SYNDIG1: variants seen among roughly 807,000 people sequenced by gnomAD.
SYNDIG1 encodes synapse differentiation-inducing gene protein 1.
Under a neutral mutation model 19.4 loss-of-function variants are expected in SYNDIG1, and 9 were observed. The observed-to-expected ratio is 0.46, with a 90% CI of 0.28 to 0.81. The LOEUF is 0.81. Ranked by LOEUF, SYNDIG1 falls within the 30% of genes least tolerant of loss-of-function variation. The pLI is 0.12. For missense variants in SYNDIG1, 311 were observed against 343.3 expected (o/e 0.91, Z 0.74); for synonymous variants, 141 against 145.9 (o/e 0.97, Z 0.24).
intron 1 of SYNDIG1, among the ~76,000 whole-genome samples, chr20:24,531,153 C>T (rs2057250936): frequency 6.6e-6 from 1 of 152,012 alleles, no homozygotes; most frequent in South Asian, 2.1e-4. Flanking sequence ...AGGTAGCTGA[C>T]TTCATTCTGT....
At chr20:24,621,490 A>G (rs2059037327) in intron 3 of SYNDIG1, among the ~76,000 whole-genome samples, 1 of 152,194 alleles carries the variant, frequency 6.6e-6, no homozygotes, top group Admixed American at 6.5e-5. Flanking sequence ...ATATTTTTAA[A>G]TAACTCTTTT....
In SYNDIG1 at chr20:24,638,670, T is replaced by C. The variant is rs547021144; in HGVS notation, c.619-26676T>C. 3.9e-5 allele frequency among the ~76,000 whole-genome samples: 6 copies of C among 152,318 alleles called. No individual in the cohort carries two copies. In the East Asian group the frequency reaches 5.8e-4, roughly 15 times the overall value. ...CACCACACTCAGCCTGGAATTTGTA[T>C]GTTTTTAAATGTCATTGGATGAATA... On this transcript the variant is annotated intron_variant, in intron 3 of 3. Transcript: ENST00000376862.
intron 3 of SYNDIG1, among the ~76,000 whole-genome samples, chr20:24,592,640 G>T (rs980449105): frequency 6.6e-6 from 1 of 152,130 alleles, no homozygotes; most frequent in Non-Finnish European, 1.5e-5. Flanking sequence ...TTGAGACAGG[G>T]TATCACTCCA....
chr20:24,479,286 C>A (rs575270770), intron 1 of SYNDIG1, among the ~76,000 whole-genome samples: 4 of 152,182 alleles, frequency 2.6e-5, no homozygotes, highest in African/African-American at 4.8e-5. Context: ...ACCTTCTCCC[C>A]GAGCCCTCAC....
rs73345306 is a variant in SYNDIG1, at chr20:24,585,608, C to T, written c.618+615C>T. 9.4e-3 allele frequency among the ~76,000 whole-genome samples: 1,430 copies of T among 152,300 alleles called. 26 individuals are homozygous for T. Among genetic ancestry groups the T allele is most frequent in the African/African-American group, 0.032 (1,345 of 41,562 alleles). ...ACTACAGAGCATCCTGTTTGTTGCC[C>T]CTTATGCAACCTACATTTTGAAATA... On this transcript the variant is annotated intron_variant, in intron 3 of 3. Transcript: ENST00000376862.
rs182622698 is a variant in SYNDIG1 at position 24,508,858 on chromosome 20, G to A, written c.-78-34162G>A. Among the ~76,000 whole-genome samples, 709 of 151,954 alleles carry A rather than the reference G, an allele frequency of 4.7e-3. 2 individuals carry two copies. The highest frequency in any genetic ancestry group is 7.8e-3 in the Non-Finnish European group (531 of 67,918). ...CTGAAGAAAAGGGGAATAAATAGAGGTGGAAGCGGGAGGCTGAAGATGAAA... is the reference window on the plus strand; with the variant it reads ...CTGAAGAAAAGGGGAATAAATAGAGATGGAAGCGGGAGGCTGAAGATGAAA... On this transcript the variant is annotated intron_variant, in intron 1 of 3. Coordinates refer to ENST00000376862, the MANE Select transcript of SYNDIG1 (RefSeq NM_024893.3).
chr20:24,495,772 T>G (rs914366197), intron 1 of SYNDIG1: 13 of 152,384 alleles, frequency 8.5e-5, no homozygotes, highest in African/African-American at 3.1e-4. Flanking sequence ...GCCAACGCCC[T>G]GGCCAAATGC....
chr20:24,543,636 G>A (rs1225946101), intron 2 of SYNDIG1, 59 bp downstream of exon 2: 4 of 1,555,402 alleles, frequency 2.6e-6, no homozygotes, highest in Non-Finnish European at 3.5e-6. Flanking sequence ...TTCTAGGGAG[G>A]GCAGGAGCCA....
chr20:24,569,394 T>C (rs1418963096), intron 2 of SYNDIG1, among the ~76,000 whole-genome samples: 1 of 152,162 alleles, frequency 6.6e-6, no homozygotes, highest in African/African-American at 2.4e-5. Flanking sequence ...GAATCACATA[T>C]GATTAATTCA....
intron 1 of SYNDIG1, among the ~76,000 whole-genome samples, chr20:24,475,468 G>A (rs78300549): frequency 0.018 from 2,701 of 152,324 alleles, 38 homozygotes; most frequent in South Asian, 0.041. Flanking sequence ...CTTATGGGTC[G>A]AGTGCCCCAT....
At chr20:24,500,479 TTTCTTTCTTTC>T (rs1203864512) in intron 1 of SYNDIG1, among the ~76,000 whole-genome samples, 212 of 6,628 alleles carry the variant, frequency 0.032, 1 homozygote, top group Non-Finnish European at 0.14. Flanking sequence ...GATTCTTTTC[TTTCTTTCTTTC>T]TTTCTTTCTT....
At chr20:24,608,122 A>G (rs1318403671) in intron 3 of SYNDIG1, among the ~76,000 whole-genome samples, 1 of 152,188 alleles carries the variant, frequency 6.6e-6, no homozygotes, top group Non-Finnish European at 1.5e-5. Context: ...TGATCTATCA[A>G]TGCTTTCTAG....
chr20:24,509,481 A>G (rs1310873281), intron 1 of SYNDIG1, among the ~76,000 whole-genome samples: 1 of 152,214 alleles, frequency 6.6e-6, no homozygotes, highest in Non-Finnish European at 1.5e-5. Context: ...CTTTTGTTCC[A>G]GTAGAATTAA....
At chr20:24,624,465 A>G (rs1180230614) in intron 3 of SYNDIG1, among the ~76,000 whole-genome samples, 1 of 152,206 alleles carries the variant, frequency 6.6e-6, no homozygotes, top group African/African-American at 2.4e-5. Context: ...GGCACACTGG[A>G]TATGATGAAG....
intron 3 of SYNDIG1, among the ~76,000 whole-genome samples, chr20:24,588,043 T>C (rs1270571940): frequency 1.3e-5 from 2 of 152,240 alleles, no homozygotes; most frequent in Non-Finnish European, 2.9e-5. Context: ...TCTAGAATTA[T>C]GCACCTCCAG....
At chr20:24,579,428 A>G (rs1343806132) in intron 2 of SYNDIG1, among the ~76,000 whole-genome samples, 1 of 152,140 alleles carries the variant, frequency 6.6e-6, no homozygotes, top group Non-Finnish European at 1.5e-5. Flanking sequence ...AGGCAAAAAA[A>G]CTCTGGTCTC....
intron 1 of SYNDIG1, among the ~76,000 whole-genome samples, chr20:24,506,035 C>A (rs2056582662): frequency 6.6e-6 from 1 of 152,206 alleles, no homozygotes; most frequent in African/African-American, 2.4e-5. Context: ...AAATGCTGAA[C>A]CTCCAGTGCC....
intron 1 of SYNDIG1, among the ~76,000 whole-genome samples, chr20:24,496,459 T>A (rs1213489520): frequency 6.6e-6 from 1 of 152,236 alleles, no homozygotes; most frequent in Non-Finnish European, 1.5e-5. Context: ...TTTAATTCCT[T>A]AAGATTTTAT....
At chr20:24,585,151 T>C (rs925020891) in intron 3 of SYNDIG1, among the ~76,000 whole-genome samples, 158 bp downstream of exon 3, 2 of 151,984 alleles carry the variant, frequency 1.3e-5, no homozygotes, top group African/African-American at 4.8e-5. Context: ...CTGGGAGAAG[T>C]CGGGGCACCC....
Sources: gnomAD v4.1 joint callset for allele counts (sites outside exome capture counted in the v4.1 genomes callset) on GRCh38, gnomAD v4.1.1 for gene constraint, MANE v1.5 for transcripts, NCBI Gene and HGNC (gene_info 2026-07-23, HGNC 2026-07-21) for gene names.